ADAMTSL1: variants seen among roughly 807,000 people sequenced by gnomAD.
ADAMTSL1 encodes the protein ADAMTS-like protein 1.
Under a neutral mutation model 201.8 loss-of-function variants are expected in ADAMTSL1, and 126 were observed. That is an observed-to-expected ratio of 0.62 (90% CI 0.54 to 0.72). The LOEUF is 0.72. ADAMTSL1 is among the 30% of genes least tolerant of loss of function. The pLI is 0.00. For synonymous variants in ADAMTSL1, 1,121 were observed against 903.4 expected (o/e 1.24, Z -4.32); for missense variants, 2,679 against 2,277.8 (o/e 1.18, Z -3.59).
At chr9:18,882,239 G>C (rs971546352) in intron 23 of ADAMTSL1, among the ~76,000 whole-genome samples, 2 of 152,136 alleles carry the variant, frequency 1.3e-5, no homozygotes, top group African/African-American at 4.8e-5. Flanking sequence ...GTGCTTAGGA[G>C]TAGTAAGGTT....
intron 2 of ADAMTSL1, among the ~76,000 whole-genome samples, chr9:18,424,613 GAA>G (rs1253286378): frequency 1.3e-5 from 2 of 152,146 alleles, no homozygotes; most frequent in African/African-American, 4.8e-5. Flanking sequence ...TATACAAGGG[GAA>G]GAAAGCTGTG....
Position 18,908,648 on chromosome 9 carries a change from C to T in ADAMTSL1, c.*100C>T. On this transcript the variant is annotated 3_prime_UTR_variant, in exon 29 of 29. Coordinates refer to ENST00000380548, the MANE Select transcript of ADAMTSL1 (RefSeq NM_001040272.6). ...TTTCTTCATTTTATTTATTTATTTCCCCCTCCCCACTCCACACACACCCTT... is the reference window on the plus strand; with the variant it reads ...TTTCTTCATTTTATTTATTTATTTCTCCCTCCCCACTCCACACACACCCTT... 2 of 947,350 alleles carry T rather than the reference C, an allele frequency of 2.1e-6. No homozygotes were observed. Among genetic ancestry groups the T allele is most frequent in the Non-Finnish European group, 3.1e-6 (2 of 635,154 alleles). 58.7% of individuals were successfully genotyped at this position (947,350 alleles called of 1,614,324 possible).
At chr9:18,548,737 T>G (rs574971144) in intron 3 of ADAMTSL1, among the ~76,000 whole-genome samples, 1 of 152,062 alleles carries the variant, frequency 6.6e-6, no homozygotes, top group Admixed American at 6.6e-5. Context: ...AGAAACACAT[T>G]AAGAAATAAC....
chr9:18,049,811 G>A (rs901373225), intron 1 of ADAMTSL1, among the ~76,000 whole-genome samples: 2 of 152,082 alleles, frequency 1.3e-5, no homozygotes, highest in Non-Finnish European at 1.5e-5. Context: ...TTTTAGTAGA[G>A]ATAGGGTTTT....
intron 2 of ADAMTSL1, among the ~76,000 whole-genome samples, chr9:18,165,175 A>G (rs1234449862): frequency 1.3e-5 from 2 of 151,954 alleles, no homozygotes; most frequent in African/African-American, 4.8e-5. Flanking sequence ...CTTCTTATGA[A>G]AAATATCTTG....
At chr9:18,314,700 T>C (rs1197322188) in intron 2 of ADAMTSL1, among the ~76,000 whole-genome samples, 1 of 150,992 alleles carries the variant, frequency 6.6e-6, no homozygotes, top group Non-Finnish European at 1.5e-5. Flanking sequence ...CAGCAAGGTT[T>C]ATCTCGAAGA....
At chr9:18,666,713 T>A (rs1829457846) in intron 9 of ADAMTSL1, among the ~76,000 whole-genome samples, 1 of 152,156 alleles carries the variant, frequency 6.6e-6, no homozygotes, top group Non-Finnish European at 1.5e-5. Context: ...GTCAGGTCCA[T>A]CATGTGGCCA....
rs527857905 is a variant in ADAMTSL1, at chr9:18,351,534, C to T, written c.208-153295C>T. On this transcript the variant is annotated intron_variant, in intron 2 of 29. Transcript: ENST00000680146. ...ATAATGCCTATTTCCCAAGGAGGGT[C>T]GAGAGAGTGTTGGCATTTGATTGCA... Among the ~76,000 whole-genome samples, 4 of 151,662 alleles carry T rather than the reference C, an allele frequency of 2.6e-5. No individual in the cohort carries two copies. In the South Asian group the frequency reaches 6.2e-4, roughly 24 times the overall value.
At chr9:18,625,432 T>G (rs1826303658) in intron 5 of ADAMTSL1, among the ~76,000 whole-genome samples, 1 of 152,140 alleles carries the variant, frequency 6.6e-6, no homozygotes, top group Admixed American at 6.6e-5. Context: ...AAAATCATCT[T>G]TTTATTAAAA....
intron 2 of ADAMTSL1, among the ~76,000 whole-genome samples, chr9:18,427,034 C>T (rs1819254861): frequency 6.6e-6 from 1 of 152,202 alleles, no homozygotes; most frequent in Non-Finnish European, 1.5e-5. Flanking sequence ...TCACAGCTCT[C>T]TTGACAGACT....
At chr9:17,995,100 CAG>C in intron 1 of ADAMTSL1, among the ~76,000 whole-genome samples, 1 of 152,274 alleles carries the variant, frequency 6.6e-6, no homozygotes. Context: ...GTTTACTTAA[CAG>C]AGAATGGGAG....
rs578058476 is a variant in ADAMTSL1 at position 18,167,770 on chromosome 9, C to A, written c.207+3789C>A. ...TAGAAATGAAATATTAGAATGTAAG[C>A]ACTAGTACCTGAAGATAATTTAATT... On this transcript the variant is annotated intron_variant, in intron 2 of 29. Coordinates refer to the ADAMTSL1 transcript ENST00000680146. Among the ~76,000 whole-genome samples the A allele has an allele frequency of 3.9e-5, 6 of 152,014 alleles. No homozygotes were observed. In the South Asian group the frequency reaches 1.0e-3, roughly 26 times the overall value.
intron 1 of ADAMTSL1, among the ~76,000 whole-genome samples, chr9:18,043,686 T>C (rs1821532945): frequency 6.6e-6 from 1 of 152,076 alleles, no homozygotes. Flanking sequence ...CATGAAAAAT[T>C]GTAGTGAAAA....
intron 1 of ADAMTSL1, among the ~76,000 whole-genome samples, chr9:18,154,580 C>A (rs933739247): frequency 1.3e-5 from 2 of 152,028 alleles, no homozygotes; most frequent in Non-Finnish European, 2.9e-5. Context: ...AGATTATGCT[C>A]CCTTAACAGG....
chr9:18,545,817 G>A (rs895488617), intron 3 of ADAMTSL1, among the ~76,000 whole-genome samples: 4 of 152,156 alleles, frequency 2.6e-5, no homozygotes, highest in Non-Finnish European at 5.9e-5. Context: ...CCTTGGCAAG[G>A]CCCTACGGAA....
chr9:18,777,852 C>A lies in ADAMTSL1; in HGVS notation c.3623C>A (p.Pro1208Gln). 1 of 1,587,142 alleles carries A rather than the reference C, an allele frequency of 6.3e-7. No individual in the cohort carries two copies. Among genetic ancestry groups the A allele is most frequent in the Non-Finnish European group, 8.6e-7 (1 of 1,162,056 alleles). ...CTGCACTGTGAGGCCATCGGCCACC[C>A]AAGGCCTACCATCAGCTGGGCCAGG... ...VLLHCEAIGH[P>Q]RPTISWARNG... Residue 1208 changes from proline to glutamine, a missense_variant, in exon 19 of 29, where the codon CCA becomes CAA. Physicochemically the swap from Pro to Gln is moderately conservative, Grantham distance 76 (BLOSUM62 -1). Coordinates refer to ENST00000380548, the MANE Select transcript of ADAMTSL1 (RefSeq NM_001040272.6).
At chr9:18,777,939 G>C in intron 19 of ADAMTSL1, 33 bp downstream of exon 19, 1 of 1,516,374 alleles carries the variant, frequency 6.6e-7, no homozygotes, top group Non-Finnish European at 8.8e-7. Context: ...TCTTGGGAGG[G>C]AGGCAAGGGG....
chr9:18,430,995 G>T (rs1024265433), intron 2 of ADAMTSL1, among the ~76,000 whole-genome samples: 2 of 152,132 alleles, frequency 1.3e-5, no homozygotes, highest in African/African-American at 4.8e-5. Flanking sequence ...TAGGGAAATG[G>T]TGCCAAACTG....
intron 1 of ADAMTSL1, among the ~76,000 whole-genome samples, chr9:18,052,760 T>C (rs547377518): frequency 6.6e-6 from 1 of 152,294 alleles, no homozygotes; most frequent in African/African-American, 2.4e-5. Flanking sequence ...TGTTTTATCT[T>C]AGTTAACCCA....
Sources: allele counts gnomAD v4.1 joint callset (sites outside exome capture counted in the v4.1 genomes callset), GRCh38; gene constraint gnomAD v4.1.1; transcripts MANE v1.5; gene names NCBI Gene and HGNC (gene_info 2026-07-23, HGNC 2026-07-21).